LAMA5: variants seen among roughly 807,000 people sequenced by gnomAD.
LAMA5 encodes the protein laminin subunit alpha-5.
A neutral mutation model predicts 433.4 loss-of-function variants in LAMA5; 260 were observed. The ratio of observed to expected loss-of-function variants is 0.60; its 90% CI spans 0.54 to 0.66. LAMA5 has a LOEUF of 0.66. Ranked by LOEUF, LAMA5 falls within the 30% of genes least tolerant of loss-of-function variation. The pLI is 0.00. For missense variants in LAMA5, 5,378 were observed against 5,258.5 expected (o/e 1.02, Z -0.70); for synonymous variants, 2,620 against 2,226.6 (o/e 1.18, Z -4.97).
chr20:62,358,632 C>T (rs1369535344), intron 2 of LAMA5, among the ~76,000 whole-genome samples: 4 of 152,158 alleles, frequency 2.6e-5, no homozygotes, highest in African/African-American at 9.7e-5. Flanking sequence ...CCTCCTCCTG[C>T]GGTGCTCCTC....
chr20:62,320,584 T>G lies in LAMA5; in HGVS notation c.6734A>C (p.Gln2245Pro). 1 of 1,602,788 alleles carries G rather than the reference T, an allele frequency of 6.2e-7. No homozygotes were observed. Among genetic ancestry groups the G allele is most frequent in the South Asian group, 1.1e-5 (1 of 90,334 alleles). ...CTGGCCGCCTAGCCGCCGTGCGTCC[T>G]GCCCGAGGCTTGTGCTCTGCTGCTC... Reference protein sequence around the residue: ...VLEQQSTSLGQDARRLGGQAV... With the variant: ...VLEQQSTSLGPDARRLGGQAV... The change falls in exon 50 of 80, where the codon CAG (glutamine) becomes CCG (proline). Residue 2245 changes from glutamine to proline, a missense_variant. Transcript: ENST00000252999.
Position 62,333,619 on chromosome 20 carries a change from A to G in LAMA5, c.2966T>C (p.Phe989Ser). The G allele has an allele frequency of 6.3e-7, 1 of 1,580,008 alleles. No individual in the cohort carries two copies. The highest frequency in any genetic ancestry group is 8.6e-7 in the Non-Finnish European group (1 of 1,163,636). The change falls in exon 24 of 80, where the codon TTT (phenylalanine) becomes TCT (serine). Residue 989 changes from phenylalanine (F) to serine (S), a missense_variant. By Grantham distance (155) the Phe-to-Ser change is radical. Coordinates refer to ENST00000252999, the MANE Select transcript of LAMA5 (RefSeq NM_005560.6). ...TVPQRGFGEP[F>S]VLNPGTWALR... ...GGCCCAGGTGCCAGGGTTCAGCACA[A>G]AGGGCTCTCCGAAGCCCCTCTGGGG...
rs974197996 is a variant in LAMA5, at chr20:62,359,201, A to AGGGAGGC, written c.450+3192_450+3198dup. On this transcript the variant is annotated intron_variant, in intron 2 of 79. Coordinates refer to ENST00000252999, the MANE Select transcript of LAMA5 (RefSeq NM_005560.6). This position sits in a 1 kb window ranked among gnomAD's most constrained non-coding sequence, Gnocchi z 4.3. ...CCCGTGCGTCCTCACTCCTCATCTG[A>AGGGAGGC]GGGAGGCGGGAGGCAATGCCCTCCT... Among the ~76,000 whole-genome samples, 1 of 152,096 alleles carries AGGGAGGC rather than the reference A, an allele frequency of 6.6e-6. No individual in the cohort carries two copies. The highest frequency in any genetic ancestry group is 2.4e-5 in the African/African-American group (1 of 41,406).
At position 62,353,242 on chromosome 20, in the gene LAMA5, C is replaced by T. The variant is rs1235627119; in HGVS notation, c.460G>A (p.Val154Met). Residue 154 changes from valine to methionine, a missense_variant, in exon 3 of 80, where the codon GTG becomes ATG. Coordinates refer to ENST00000252999, the MANE Select transcript of LAMA5 (RefSeq NM_005560.6). ...GCAAACTTGATGAGGACGTAGGCCA[C>T]GTGGAAGACCTGTGGGCCGAGAGGG... ...VTLDLGQVFH[V>M]AYVLIKFANS... 2 of 1,594,330 alleles carry T rather than the reference C, an allele frequency of 1.3e-6. No homozygotes were observed. The highest frequency in any genetic ancestry group is 1.1e-5 in the South Asian group (1 of 88,000).
chr20:62,364,154 G>A (rs1369916488), intron 1 of LAMA5, among the ~76,000 whole-genome samples: 1 of 152,176 alleles, frequency 6.6e-6, no homozygotes, highest in Non-Finnish European at 1.5e-5. Context: ...CCAGTTAAGC[G>A]CCACGACCCC....
At chr20:62,328,527 G>GT in intron 34 of LAMA5, 82 bp from the exon 35 acceptor site, 1 of 1,364,366 alleles carries the variant, frequency 7.3e-7, no homozygotes, top group Non-Finnish European at 9.7e-7. Flanking sequence ...CCTAGGGGAT[G>GT]TGGCAGTGTG....
chr20:62,321,139 C>T (rs1341563790), intron 48 of LAMA5, among the ~76,000 whole-genome samples: 5 of 43,508 alleles, frequency 1.1e-4, no homozygotes, highest in African/African-American at 2.8e-4. Flanking sequence ...GGGTTGGGGC[C>T]GGAGGTGGGG....
At chr20:62,340,939 T>C (rs1443894379) in intron 11 of LAMA5, among the ~76,000 whole-genome samples, 1 of 151,918 alleles carries the variant, frequency 6.6e-6, no homozygotes, top group East Asian at 1.9e-4. Flanking sequence ...CTCGGGAGGC[T>C]GAGGCAGGAG....
At position 62,311,657 on chromosome 20, in the gene LAMA5, T is replaced by C. The variant is rs375460160; in HGVS notation, c.9763A>G (p.Ile3255Val). Reference protein sequence around the residue: ...LLGGLPESGTIYNFSGCISNV... With the variant: ...LLGGLPESGTVYNFSGCISNV... Reference sequence around the variant, plus strand: ...CTGATGCAGCCACTGAAGTTGTAAATGGTGCCAGACTCAGGCAGGCCTCCC... The same window carrying C: ...CTGATGCAGCCACTGAAGTTGTAAACGGTGCCAGACTCAGGCAGGCCTCCC... Residue 3255 changes from isoleucine (I) to valine (V), a missense_variant, in exon 71 of 80, where the codon ATT becomes GTT. Ile to Val is a conservative substitution (Grantham distance 29). Transcript: ENST00000252999. 11 of 1,599,664 alleles carry C rather than the reference T, an allele frequency of 6.9e-6. No homozygotes were observed. In the African/African-American group the frequency reaches 1.1e-4, roughly 16 times the overall value.
In LAMA5 at chr20:62,334,362, G is replaced by C. The variant is rs367671577; in HGVS notation, c.2583-20C>G. ...GCAGGCCTGGCCACAGCAGGGGCTG[G>C]TCAGGTGCAGCTTGGCCATCCTACC... is the stretch of plus-strand genomic sequence containing the variant. On this transcript the variant is annotated intron_variant, in intron 21 of 79. Transcript: ENST00000252999. 1.1e-5 allele frequency: 17 copies of C among 1,577,550 alleles called. No homozygotes were observed. In the African/African-American group the frequency reaches 2.2e-4, roughly 20 times the overall value.
chr20:62,338,870 G>A (rs1332726920), intron 11 of LAMA5, among the ~76,000 whole-genome samples: 2 of 151,990 alleles, frequency 1.3e-5, no homozygotes, highest in Non-Finnish European at 2.9e-5. Flanking sequence ...AGCCCTGTCT[G>A]TACTAAAAAT....
chr20:62,324,175 G>T lies in LAMA5; in HGVS notation c.5673C>A (p.His1891Gln). ...CGAAGCCAGCCTGGCAGCGCTCACA[G>T]TGGGCCCCTTCGGTGTTGTGCTGGC... ...VDCQHNTEGA[H>Q]CERCQAGFVS... The change falls in exon 43 of 80, where the codon CAC (histidine) becomes CAA (glutamine). Residue 1891 changes from histidine to glutamine, a missense_variant. Transcript: ENST00000252999. This position sits in a 1 kb window ranked among gnomAD's most constrained non-coding sequence, Gnocchi z 4.4. 6 of 1,573,392 alleles carry T rather than the reference G, an allele frequency of 3.8e-6. No individual in the cohort carries two copies. Among genetic ancestry groups the T allele is most frequent in the Non-Finnish European group, 5.1e-6 (6 of 1,169,338 alleles).
chr20:62,328,929 C>A lies in LAMA5; in HGVS notation c.4362G>T (p.Gly1454=). 1.9e-6 allele frequency: 3 copies of A among 1,611,520 alleles called. No homozygotes were observed. Among genetic ancestry groups the A allele is most frequent in the Middle Eastern group, 3.3e-4 (2 of 6,048 alleles). Reference sequence around the variant, plus strand: ...CATGGGCATGGCAGGGACACTGGCCCCCGAAGGGCTCACACGTGGGGCCTG... The same window carrying A: ...CATGGGCATGGCAGGGACACTGGCCACCGAAGGGCTCACACGTGGGGCCTG... The part of the protein sequence containing the change: ...GATGPTCEPF[G]GQCPCHAHVI... Residue 1454 remains glycine, a synonymous_variant, in exon 34 of 80, where the codon GGG becomes GGT. Coordinates refer to ENST00000252999, the MANE Select transcript of LAMA5 (RefSeq NM_005560.6).
At chr20:62,343,837 G>C (rs1403590369) in intron 11 of LAMA5, among the ~76,000 whole-genome samples, 1 of 146,502 alleles carries the variant, frequency 6.8e-6, no homozygotes, top group Non-Finnish European at 1.5e-5. Context: ...AGTAGTCAAA[G>C]TGCAGCTAAA....
intron 68 of LAMA5, 34 bp from the exon 69 acceptor site, chr20:62,312,350 G>A (rs1428330155): frequency 1.9e-6 from 3 of 1,602,672 alleles, no homozygotes; most frequent in African/African-American, 1.3e-5. Flanking sequence ...GCCCGCGGGT[G>A]CCCCTGCATG....
chr20:62,318,961 T>C lies in LAMA5; in HGVS notation c.6924A>G (p.Ser2308=), dbSNP rs1601304713. 1.9e-6 allele frequency: 3 copies of C among 1,595,414 alleles called. No homozygotes were observed. The highest frequency in any genetic ancestry group is 2.6e-6 in the Non-Finnish European group (3 of 1,173,284). ...HLGLANASAP[S]GEQLLRTLAE... Reference sequence around the variant, plus strand: ...CCAGTGTCCGGAGCAGCTGCTCACCTGATGGAGCCGAGGCATTGGCCAGCC... The same window carrying C: ...CCAGTGTCCGGAGCAGCTGCTCACCCGATGGAGCCGAGGCATTGGCCAGCC... The change falls in exon 52 of 80, where the codon TCA becomes TCG. Residue 2308 remains serine, a synonymous_variant. Transcript: ENST00000252999.
At chr20:62,361,363 G>A (rs1025130175) in intron 2 of LAMA5, among the ~76,000 whole-genome samples, 11 of 151,652 alleles carry the variant, frequency 7.3e-5, no homozygotes, top group African/African-American at 2.7e-4. Flanking sequence ...AGGAACCCCT[G>A]GAAATTCCAG....
At position 62,311,112 on chromosome 20, in the gene LAMA5, G is replaced by A. The variant is rs778741272; in HGVS notation, c.10089-18C>T. On this transcript the variant is annotated intron_variant, in intron 73 of 79. Coordinates refer to ENST00000252999, the MANE Select transcript of LAMA5 (RefSeq NM_005560.6). Reference sequence around the variant, plus strand: ...GACTGGGCCTGGAAGCGGAGCTGGCGTCAGCCTGCGCGGCCCCTCTCAGCC... The same window carrying A: ...GACTGGGCCTGGAAGCGGAGCTGGCATCAGCCTGCGCGGCCCCTCTCAGCC... The A allele has an allele frequency of 3.5e-5, 55 of 1,565,940 alleles. No individual in the cohort carries two copies. The highest frequency in any genetic ancestry group is 2.4e-4 in the South Asian group (20 of 84,706).
chr20:62,319,196 C>T (rs1568912165), intron 51 of LAMA5, 183 bp from the exon 52 acceptor site: 1 of 606,590 alleles, frequency 1.6e-6, no homozygotes, highest in Non-Finnish European at 2.9e-6. Context: ...CCTGCCCGGC[C>T]CTCACCTCCT....
Sources: allele counts gnomAD v4.1 joint callset (sites outside exome capture counted in the v4.1 genomes callset), GRCh38; gene constraint gnomAD v4.1.1; non-coding constraint Gnocchi (gnomAD v3.1); transcripts MANE v1.5; gene names NCBI Gene and HGNC (gene_info 2026-07-23, HGNC 2026-07-21).